LDB2: variants seen among roughly 807,000 people sequenced by gnomAD.
LDB2 encodes the protein LIM domain-binding protein 2.
Under a neutral mutation model 44.3 loss-of-function variants are expected in LDB2, and 12 were observed. The ratio of observed to expected loss-of-function variants is 0.27; its 90% confidence interval spans 0.17 to 0.44. LDB2 has a LOEUF of 0.44. Among genes scored for constraint, LDB2 ranks in the 20% least tolerant of loss-of-function variants. LDB2 has a pLI of 1.00. For missense variants in LDB2, 344 were observed against 473.5 expected, an observed-to-expected ratio of 0.73 and a Z score of 2.54; for synonymous variants, 164 against 174.8, an observed-to-expected ratio of 0.94 and a Z score of 0.49.
chr4:16,669,734 C>G (rs1324512130), intron 2 of LDB2, among the ~76,000 whole-genome samples: 1 of 152,190 alleles, frequency 6.6e-6, no homozygotes, highest in Non-Finnish European at 1.5e-5. Flanking sequence ...CACACAATTT[C>G]TAATACTTAA....
rs556107798 is a variant in LDB2 at position 16,733,975 on chromosome 4, T to C, written c.235+25183A>G. ...CGGAGCTGCAGGAGACAATGCCTAT[T>C]TTTAGAGAGGCAGCCTGACATAGGG... is the stretch of plus-strand genomic sequence containing the variant. On this transcript the variant is annotated intron_variant, in intron 2 of 7. Transcript: ENST00000304523. Among the ~76,000 whole-genome samples, 8 of 152,310 alleles carry C rather than the reference T, an allele frequency of 5.3e-5. No homozygotes were observed. In the East Asian group the frequency reaches 1.5e-3, roughly 29 times the overall value.
At chr4:16,542,977 A>G (rs905737806) in intron 5 of LDB2, among the ~76,000 whole-genome samples, 15 of 124,842 alleles carry the variant, frequency 1.2e-4, no homozygotes, top group African/African-American at 4.6e-4. Flanking sequence ...CCCTGTGTCC[A>G]AGTGTTCTTA....
At chr4:16,575,992 G>A (rs182963163) in intron 5 of LDB2, among the ~76,000 whole-genome samples, 8 of 152,184 alleles carry the variant, frequency 5.3e-5, no homozygotes, top group African/African-American at 1.7e-4. Flanking sequence ...CACCTGCTTC[G>A]GCCTCCCAAA....
intron 2 of LDB2, among the ~76,000 whole-genome samples, chr4:16,664,936 C>T (rs1742633640): frequency 6.6e-6 from 1 of 152,212 alleles, no homozygotes; most frequent in Non-Finnish European, 1.5e-5. Context: ...TATGGAAGGA[C>T]AAATGTACTT....
intron 2 of LDB2, among the ~76,000 whole-genome samples, chr4:16,680,393 T>C (rs551007511): frequency 6.6e-6 from 1 of 152,194 alleles, no homozygotes; most frequent in Non-Finnish European, 1.5e-5. Context: ...ACCAACTGCA[T>C]CTCAAGACCA....
chr4:16,631,181 G>C (rs975145870), intron 2 of LDB2, among the ~76,000 whole-genome samples: 1 of 152,070 alleles, frequency 6.6e-6, no homozygotes, highest in Non-Finnish European at 1.5e-5. Flanking sequence ...CACATAATTG[G>C]AAATAAAACA....
At chr4:16,613,142 C>T (rs1306574661) in intron 2 of LDB2, among the ~76,000 whole-genome samples, 2 of 152,142 alleles carry the variant, frequency 1.3e-5, no homozygotes, top group Admixed American at 1.3e-4. Context: ...GCAGAAAAGG[C>T]CTTTGGTAAA....
intron 5 of LDB2, among the ~76,000 whole-genome samples, chr4:16,571,593 G>A (rs1027931189): frequency 5.3e-5 from 8 of 152,108 alleles, no homozygotes; most frequent in African/African-American, 1.4e-4. Flanking sequence ...CCAGCCTGGC[G>A]GTTTACCTTC....
intron 1 of LDB2, among the ~76,000 whole-genome samples, chr4:16,823,017 G>A (rs1782393267): frequency 6.6e-6 from 1 of 152,176 alleles, no homozygotes; most frequent in African/African-American, 2.4e-5. Context: ...AGTCAGTGAA[G>A]AGAATAACTA....
chr4:16,640,892 T>G (rs1253555837), intron 2 of LDB2, among the ~76,000 whole-genome samples: 1 of 152,246 alleles, frequency 6.6e-6, no homozygotes, highest in Non-Finnish European at 1.5e-5. Context: ...ATTGTCATTT[T>G]TAGTTCAAAT....
intron 5 of LDB2, among the ~76,000 whole-genome samples, chr4:16,535,516 C>G (rs12331511): frequency 0.022 from 3,297 of 152,268 alleles, 114 homozygotes; most frequent in African/African-American, 0.074. Flanking sequence ...TCCCTTCCTT[C>G]AAGCCTGGGT....
chr4:16,850,163 G>A lies in LDB2; in HGVS notation c.132+48191C>T, dbSNP rs578136813. ...GCTCTTGTGTAAGGAGAAAGTCGGC[G>A]GCGCTTTCTGTGAGTCTGTTATGGG... On this transcript the variant is annotated intron_variant, in intron 1 of 7. Coordinates refer to ENST00000304523, the MANE Select transcript of LDB2 (RefSeq NM_001290.5). 3.6e-4 allele frequency among the ~76,000 whole-genome samples: 55 copies of A among 152,174 alleles called. No individual in the cohort carries two copies. In the South Asian group the frequency reaches 6.0e-3, roughly 17 times the overall value.
chr4:16,834,447 C>T (rs1018351573), intron 1 of LDB2, among the ~76,000 whole-genome samples: 1 of 152,194 alleles, frequency 6.6e-6, no homozygotes, highest in African/African-American at 2.4e-5. Flanking sequence ...TTACATAGGG[C>T]ATATGTTCTG....
At chr4:16,848,232 G>C (rs1787483932) in intron 1 of LDB2, among the ~76,000 whole-genome samples, 1 of 152,118 alleles carries the variant, frequency 6.6e-6, no homozygotes, top group Admixed American at 6.6e-5. Flanking sequence ...ATTAATAAAG[G>C]CTTACTGTTC....
chr4:16,759,282 A>C lies in LDB2; in HGVS notation c.133-22T>G, dbSNP rs201753451. 8 of 1,510,154 alleles carry C rather than the reference A, an allele frequency of 5.3e-6. No individual in the cohort carries two copies. The East Asian group carries it at 1.8e-4, about 34-fold the overall frequency. The allele number at this position is 1,510,154 out of a possible 1,614,324, so 93.5% of individuals were successfully genotyped here. A position where few individuals can be genotyped will look rare whatever the true frequency, so the allele number is the denominator to read the frequency against. On this transcript the variant is annotated intron_variant, in intron 1 of 7. Transcript: ENST00000304523. ...TATCCTGCAAAGAGACAGATCATTT[A>C]TTTAACAAGGGAAAGTGGGAAATAT...
intron 1 of LDB2, among the ~76,000 whole-genome samples, chr4:16,765,978 C>T (rs936558708): frequency 6.6e-6 from 1 of 152,102 alleles, no homozygotes; most frequent in Non-Finnish European, 1.5e-5. Context: ...TTAATCAAGA[C>T]AAATTTTACT....
intron 1 of LDB2, among the ~76,000 whole-genome samples, chr4:16,806,499 G>A (rs1455009499): frequency 6.6e-6 from 1 of 152,204 alleles, no homozygotes; most frequent in Non-Finnish European, 1.5e-5. Flanking sequence ...GTGGACACTG[G>A]CAATCAATGA....
chr4:16,559,553 C>A (rs1255482577), intron 5 of LDB2, among the ~76,000 whole-genome samples: 7 of 152,082 alleles, frequency 4.6e-5, no homozygotes, highest in Non-Finnish European at 1.0e-4. Context: ...CAGGAGCACC[C>A]AGATTCATAG....
chr4:16,673,139 C>T (rs1268556912), intron 2 of LDB2, among the ~76,000 whole-genome samples: 1 of 152,052 alleles, frequency 6.6e-6, no homozygotes, highest in Non-Finnish European at 1.5e-5. Flanking sequence ...AATTATTGTG[C>T]TTTTTCTTTT....
Sources: allele counts gnomAD v4.1 joint callset (sites outside exome capture counted in the v4.1 genomes callset), GRCh38; gene constraint gnomAD v4.1.1; transcripts MANE v1.5; gene names NCBI Gene and HGNC (gene_info 2026-07-23, HGNC 2026-07-21).